PTGER3: variants seen among roughly 807,000 people sequenced by gnomAD.
PTGER3 encodes prostaglandin E receptor 3.
Under a neutral mutation model 34.7 loss-of-function variants are expected in PTGER3, and 22 were observed. That is an observed-to-expected ratio of 0.63 (90% CI 0.45 to 0.91). The LOEUF (loss-of-function observed/expected upper bound fraction) is 0.91, where lower values mean the gene tolerates loss of function less well. PTGER3 is among the 40% of genes least tolerant of loss of function. The probability of loss-of-function intolerance (pLI) is 0.00; values close to 1 mark genes in which losing one functional copy is unlikely to be tolerated. For missense variants in PTGER3, 468 were observed against 519.4 expected, an observed-to-expected ratio of 0.90 and a Z score of 0.96; for synonymous variants, 241 against 230.1, an observed-to-expected ratio of 1.05 and a Z score of -0.43.
chr1:70,945,237 T>C (rs556698956), intron 4 of PTGER3, among the ~76,000 whole-genome samples: 1 of 152,252 alleles, frequency 6.6e-6, no homozygotes, highest in Admixed American at 6.5e-5. Context: ...GAGAGACTAG[T>C]AACAGTGAGA....
chr1:70,948,342 C>T (rs1273595348), downstream of PTGER3, among the ~76,000 whole-genome samples: 1 of 152,116 alleles, frequency 6.6e-6, no homozygotes, highest in Non-Finnish European at 1.5e-5. Flanking sequence ...CCCCACCCTG[C>T]TTTGCTCTAC....
chr1:71,003,683 G>C (rs1656686836), intron 2 of PTGER3, among the ~76,000 whole-genome samples: 1 of 152,110 alleles, frequency 6.6e-6, no homozygotes, highest in Non-Finnish European at 1.5e-5. Flanking sequence ...TCTACCTCCA[G>C]TTACATTGAT....
chr1:70,865,739 G>T (rs1235924392), intron 4 of PTGER3: 1 of 1,366,268 alleles, frequency 7.3e-7, no homozygotes, highest in Non-Finnish European at 9.8e-7. Context: ...ATGTGATGAA[G>T]ACATGGCGGG....
At position 71,047,206 on chromosome 1, in the gene PTGER3, G is replaced by A. The variant is rs531707829; in HGVS notation, c.372C>T (p.Asp124=). The A allele has an allele frequency of 2.5e-6, 4 of 1,598,380 alleles. No individual in the cohort carries two copies. The highest frequency in any genetic ancestry group is 4.5e-5 in the East Asian group (2 of 44,106). ...AAAAGGTGCAGAGCCGCCCCGACGG[G>A]TCGATGTGCTCCCAACGCTGCTTGG... ...YLSKQRWEHI[D]PSGRLCTFFG... is the part of the protein sequence containing the mutation. Residue 124 remains aspartate (D), a synonymous_variant, in exon 1 of 4, where the codon GAC becomes GAT. Coordinates refer to ENST00000306666, the MANE Select transcript of PTGER3 (RefSeq NM_198719.2).
chr1:70,964,635 A>T (rs1357862187), intron 2 of PTGER3, among the ~76,000 whole-genome samples: 1 of 152,212 alleles, frequency 6.6e-6, no homozygotes, highest in African/African-American at 2.4e-5. Context: ...CTCCCATGAC[A>T]GGTGGGAATT....
At chr1:71,001,191 G>A (rs1656450348) in intron 2 of PTGER3, among the ~76,000 whole-genome samples, 1 of 149,402 alleles carries the variant, frequency 6.7e-6, no homozygotes, top group Non-Finnish European at 1.5e-5. Flanking sequence ...AAAAATTTAT[G>A]AAAAAACTTA....
At chr1:70,869,840 G>C (rs557004616) in intron 4 of PTGER3, among the ~76,000 whole-genome samples, 1 of 152,306 alleles carries the variant, frequency 6.6e-6, no homozygotes, top group South Asian at 2.1e-4. Flanking sequence ...TGTGGTTGCT[G>C]TCATGGGTTG....
At chr1:70,857,771 T>C (rs1352868192) in intron 4 of PTGER3, among the ~76,000 whole-genome samples, 2 of 152,138 alleles carry the variant, frequency 1.3e-5, no homozygotes, top group African/African-American at 4.8e-5. Flanking sequence ...CCCGAACTTG[T>C]GATCCACCCA....
chr1:70,937,630 C>G (rs1157319603), intron 4 of PTGER3, among the ~76,000 whole-genome samples: 1 of 152,144 alleles, frequency 6.6e-6, no homozygotes, highest in African/African-American at 2.4e-5. Context: ...CCCAAGGAAA[C>G]TTGTGAGTTA....
At chr1:71,014,564 G>A (rs1488449033) in intron 1 of PTGER3, among the ~76,000 whole-genome samples, 4 of 152,094 alleles carry the variant, frequency 2.6e-5, no homozygotes, top group Admixed American at 2.6e-4. Flanking sequence ...GTTTAGATGA[G>A]GTCATGAGGG....
intron 2 of PTGER3, among the ~76,000 whole-genome samples, chr1:70,988,412 C>T (rs1319004414): frequency 6.6e-6 from 1 of 152,158 alleles, no homozygotes; most frequent in Non-Finnish European, 1.5e-5. Context: ...CACTGCATTT[C>T]CAGACTCTCT....
At chr1:70,922,090 G>T (rs983749299) in intron 4 of PTGER3, among the ~76,000 whole-genome samples, 2 of 152,100 alleles carry the variant, frequency 1.3e-5, no homozygotes, top group African/African-American at 4.8e-5. Context: ...TTTGCTAAAT[G>T]CTTTAAGGTC....
intron 4 of PTGER3, among the ~76,000 whole-genome samples, chr1:70,858,209 T>C (rs1391446869): frequency 2.6e-5 from 4 of 151,680 alleles, no homozygotes; most frequent in Non-Finnish European, 5.9e-5. Flanking sequence ...TTCTTTTTTT[T>C]TTTTTTTTTG....
At chr1:71,024,844 C>G (rs1012934716) in intron 1 of PTGER3, among the ~76,000 whole-genome samples, 3 of 150,532 alleles carry the variant, frequency 2.0e-5, no homozygotes, top group Non-Finnish European at 4.4e-5. Context: ...CATGAGCCAC[C>G]GTGCCCGGCT....
At chr1:70,937,853 T>C (rs371059905) in intron 4 of PTGER3, among the ~76,000 whole-genome samples, 34 of 152,120 alleles carry the variant, frequency 2.2e-4, no homozygotes, top group African/African-American at 6.8e-4. Flanking sequence ...AGCAATTGTC[T>C]CATTTTGCTT....
intron 2 of PTGER3, among the ~76,000 whole-genome samples, chr1:70,988,725 T>A (rs1450144122): frequency 6.6e-6 from 1 of 152,236 alleles, no homozygotes; most frequent in Admixed American, 6.5e-5. Flanking sequence ...CCATCTGTGT[T>A]CTTTTAATCA....
At chr1:71,001,340 C>G (rs756130850) in intron 2 of PTGER3, among the ~76,000 whole-genome samples, 1 of 152,022 alleles carries the variant, frequency 6.6e-6, no homozygotes, top group African/African-American at 2.4e-5. Context: ...AAATGAATAT[C>G]CATCATTTAA....
chr1:70,869,681 T>G (rs1349730663), intron 4 of PTGER3, among the ~76,000 whole-genome samples: 1 of 152,196 alleles, frequency 6.6e-6, no homozygotes, highest in African/African-American at 2.4e-5. Flanking sequence ...CTATGCAAGT[T>G]TGAAACCCAG....
chr1:70,897,302 C>A (rs1646742413), intron 4 of PTGER3, among the ~76,000 whole-genome samples: 1 of 152,120 alleles, frequency 6.6e-6, no homozygotes, highest in African/African-American at 2.4e-5. Context: ...ACCGGCAATC[C>A]ATTCACTCAT....
Sources: gnomAD v4.1 joint callset for allele counts (sites outside exome capture counted in the v4.1 genomes callset) on GRCh38, gnomAD v4.1.1 for gene constraint, MANE v1.5 for transcripts, NCBI Gene and HGNC (gene_info 2026-07-23, HGNC 2026-07-21) for gene names.